The following MYEF2 variants were observed in gnomAD, a reference collection of about 807,000 sequenced individuals.
MYEF2 encodes myelin gene expression factor 2.
Under a neutral mutation model 75.2 loss-of-function variants are expected in MYEF2, and 37 were observed. The ratio of observed to expected loss-of-function variants is 0.49; its 90% confidence interval spans 0.38 to 0.65. The LOEUF is 0.65. Ranked by LOEUF, MYEF2 falls within the 30% of genes least tolerant of loss-of-function variation. MYEF2 has a pLI of 0.00. For missense variants in MYEF2, 634 were observed against 771.4 expected (o/e 0.82, Z 2.11); for synonymous variants, 195 against 241.6 (o/e 0.81, Z 1.79).
rs2039121180 is a variant in MYEF2, at chr15:48,142,337, G to A, written c.*571C>T. Reference sequence around the variant, plus strand: ...AATTATTGGAAATAATAAAATAAGGGGCTGTGGAGGTTGATATTATTAATA... The same window carrying A: ...AATTATTGGAAATAATAAAATAAGGAGCTGTGGAGGTTGATATTATTAATA... On this transcript the variant is annotated 3_prime_UTR_variant, in exon 17 of 17. Transcript: ENST00000324324. 8 of 1,597,564 alleles carry A rather than the reference G, an allele frequency of 5.0e-6. No homozygotes were observed. In the East Asian group the frequency reaches 1.8e-4, roughly 36 times the overall value.
chr15:48,149,332 A>G lies in MYEF2; in HGVS notation c.1418T>C (p.Met473Thr). 6.2e-7 allele frequency: 1 copy of G among 1,612,882 alleles called. No individual in the cohort carries two copies. The highest frequency in any genetic ancestry group is 8.5e-7 in the Non-Finnish European group (1 of 1,179,232). ...MGSMNSVTGG[M>T]GMGLDRMSSS... ...ACTCATCCGGTCCAGTCCCATCCCC[A>G]TTCCTCCAGTCACACTGTTCATGCT... Residue 473 changes from methionine (M) to threonine (T), a missense_variant, in exon 15 of 17, where the codon ATG becomes ACG. Transcript: ENST00000324324. This position sits in a 1 kb window ranked among gnomAD's most constrained non-coding sequence, Gnocchi z 4.0.
At chr15:48,170,705 T>C (rs544026822) in intron 1 of MYEF2, among the ~76,000 whole-genome samples, 11 of 152,278 alleles carry the variant, frequency 7.2e-5, no homozygotes, top group South Asian at 6.2e-4. Context: ...ACATAATATA[T>C]ACAGAGCTTC....
Position 48,137,763 on chromosome 15 carries a change from T to C in MYEF2, c.*5145A>G, listed in dbSNP as rs1486570822. ...AAATGGGAACAGCACTTATTAAAAC[T>C]GGGAACTCAGAAAAAGGGGCTGGTT... is the stretch of plus-strand genomic sequence containing the variant. On this transcript the variant is annotated 3_prime_UTR_variant, in exon 17 of 17. Coordinates refer to ENST00000324324, the MANE Select transcript of MYEF2 (RefSeq NM_016132.5). 2.0e-5 allele frequency: 3 copies of C among 151,990 alleles called. No homozygotes were observed. Among genetic ancestry groups the C allele is most frequent in the African/African-American group, 7.2e-5 (3 of 41,422 alleles). 9.4% of individuals were successfully genotyped at this position (151,990 alleles called of 1,614,324 possible).
At chr15:48,158,277 A>G (rs2140878951) in intron 7 of MYEF2, 53 bp from the exon 8 acceptor site, 1 of 1,510,132 alleles carries the variant, frequency 6.6e-7, no homozygotes, top group East Asian at 2.3e-5. Flanking sequence ...ATTATAACAG[A>G]ACACAAACTA....
At chr15:48,144,090 T>G (rs1054225222) in intron 16 of MYEF2, among the ~76,000 whole-genome samples, 1 of 151,956 alleles carries the variant, frequency 6.6e-6, no homozygotes, top group African/African-American at 2.4e-5. Context: ...CTTTAAATAT[T>G]ATAGTTGCCA....
chr15:48,165,843 T>C, intron 5 of MYEF2, 90 bp downstream of exon 5: 1 of 924,294 alleles, frequency 1.1e-6, no homozygotes, highest in Non-Finnish European at 1.6e-6. Flanking sequence ...AAAAAAGTTG[T>C]AGTCAGGCAA....
At chr15:48,170,596 A>C (rs2040293943) in intron 1 of MYEF2, among the ~76,000 whole-genome samples, 1 of 152,154 alleles carries the variant, frequency 6.6e-6, no homozygotes, top group Non-Finnish European at 1.5e-5. Flanking sequence ...CAACAAACCA[A>C]GTTTCATGAG....
intron 5 of MYEF2, among the ~76,000 whole-genome samples, chr15:48,163,533 C>G (rs1267107067): frequency 6.6e-6 from 1 of 152,148 alleles, no homozygotes; most frequent in Admixed American, 6.5e-5. Flanking sequence ...TCCAGAACAC[C>G]TAGCTAAGAT....
Position 48,168,550 on chromosome 15 carries a change from G to T in MYEF2, c.370+81C>A, listed in dbSNP as rs1437034118. 3.6e-6 allele frequency: 4 copies of T among 1,117,922 alleles called. No homozygotes were observed. The African/African-American group carries it at 4.7e-5, about 13-fold the overall frequency. The allele number at this position is 1,117,922 out of a possible 1,614,324, so 69.3% of individuals were successfully genotyped here. On this transcript the variant is annotated intron_variant, in intron 2 of 16. Transcript: ENST00000324324. ...CAATTTTTTGAGTCTGTGTGGCTCA[G>T]AGGAATAAAAATGTTTGTGTAGTTC...
chr15:48,170,040 A>G (rs1173986409), intron 1 of MYEF2: 1 of 152,194 alleles, frequency 6.6e-6, no homozygotes, highest in Non-Finnish European at 1.5e-5. Flanking sequence ...TTGGATTTCT[A>G]TTTTAAAATG....
chr15:48,164,618 TATTATGAAAGGAAGA>T (rs2040069770), intron 5 of MYEF2, among the ~76,000 whole-genome samples: 1 of 152,194 alleles, frequency 6.6e-6, no homozygotes, highest in Admixed American at 6.6e-5. Flanking sequence ...CAGAGAAATC[TATTATGAAAGGAAGA>T]CTCAACTGAT....
intron 5 of MYEF2, 134 bp from the exon 6 acceptor site, chr15:48,159,938 T>C (rs1467243379): frequency 1.1e-6 from 1 of 882,318 alleles, no homozygotes; most frequent in African/African-American, 1.8e-5. Context: ...TGAGCTTTTT[T>C]CTCATCCAGA....
chr15:48,144,190 G>T (rs1350049081), intron 16 of MYEF2, among the ~76,000 whole-genome samples: 2 of 151,948 alleles, frequency 1.3e-5, no homozygotes, highest in Non-Finnish European at 2.9e-5. Flanking sequence ...AAAGGAGAAA[G>T]GTAAAAGCAA....
chr15:48,148,419 GT>G (rs559715395), intron 16 of MYEF2, among the ~76,000 whole-genome samples: 9 of 152,062 alleles, frequency 5.9e-5, no homozygotes, highest in African/African-American at 2.2e-4. Flanking sequence ...ACACATTAAG[GT>G]TGTATAAGTA....
chr15:48,136,524 C>A lies in MYEF2; in HGVS notation c.*6384G>T. On this transcript the variant is annotated 3_prime_UTR_variant, in exon 17 of 17. Coordinates refer to ENST00000324324, the MANE Select transcript of MYEF2 (RefSeq NM_016132.5). Reference sequence around the variant, plus strand: ...TCAATAAACATAATAATGCTGTAATCAAGTCTGGACAAATCTACAAAACAA... The same window carrying A: ...TCAATAAACATAATAATGCTGTAATAAAGTCTGGACAAATCTACAAAACAA... 1.7e-6 allele frequency: 1 copy of A among 587,980 alleles called. No individual in the cohort carries two copies. Among genetic ancestry groups the A allele is most frequent in the Non-Finnish European group, 2.8e-6 (1 of 359,224 alleles). 36.4% of individuals were successfully genotyped at this position (587,980 alleles called of 1,614,324 possible).
chr15:48,146,652 G>C (rs567666795), intron 16 of MYEF2, among the ~76,000 whole-genome samples: 2 of 151,956 alleles, frequency 1.3e-5, no homozygotes, highest in Non-Finnish European at 2.9e-5. Context: ...GATGCAAGGA[G>C]TACTACTAGA....
At chr15:48,146,387 G>A (rs1210668314) in intron 16 of MYEF2, among the ~76,000 whole-genome samples, 1 of 151,838 alleles carries the variant, frequency 6.6e-6, no homozygotes, top group Non-Finnish European at 1.5e-5. Context: ...GTTACCTTTA[G>A]GGGCTTGATG....
In MYEF2 at chr15:48,140,448, C is replaced by T. The variant is rs2039030340; in HGVS notation, c.*2460G>A. On this transcript the variant is annotated 3_prime_UTR_variant, in exon 17 of 17. Transcript: ENST00000324324. ...CAACATTAAAGGAACAGTTACATAA[C>T]CTTTTGTTTAACTTCTCTCTGGTTC... 1 of 152,008 alleles carries T rather than the reference C, an allele frequency of 6.6e-6. No homozygotes were observed. Among genetic ancestry groups the T allele is most frequent in the African/African-American group, 2.4e-5 (1 of 41,396 alleles). 9.4% of individuals were successfully genotyped at this position (152,008 alleles called of 1,614,324 possible). A position where few individuals can be genotyped will look rare whatever the true frequency, so the allele number is the denominator to read the frequency against.
chr15:48,150,968 G>C lies in MYEF2; in HGVS notation c.1378+132C>G, dbSNP rs1342230800. On this transcript the variant is annotated intron_variant, in intron 14 of 16. Coordinates refer to ENST00000324324, the MANE Select transcript of MYEF2 (RefSeq NM_016132.5). ...CAGAAAGGCTTTGCTCAATTATCAA[G>C]GTTTCTCAAATTATAGCAAGACACA... 3.9e-4 allele frequency: 191 copies of C among 495,506 alleles called. 1 individual carries two copies. The highest frequency in any genetic ancestry group is 2.8e-5 in the Non-Finnish European group (8 of 282,424). The allele number at this position is 495,506 out of a possible 1,614,324, so 30.7% of individuals were successfully genotyped here.
Sources: allele counts gnomAD v4.1 joint callset (sites outside exome capture counted in the v4.1 genomes callset), GRCh38; gene constraint gnomAD v4.1.1; non-coding constraint Gnocchi (gnomAD v3.1); transcripts MANE v1.5; gene names NCBI Gene and HGNC (gene_info 2026-07-23, HGNC 2026-07-21).